Variants in ANKS6 observed in about 807,000 individuals in gnomAD.
ANKS6 encodes the protein ankyrin repeat and sterile alpha motif domain containing 6, also known as ankyrin repeat and SAM domain-containing protein 6.
In ANKS6, 47 loss-of-function variants were observed where a neutral mutation model predicts 77.9. The ratio of observed to expected loss-of-function variants is 0.60; its 90% CI spans 0.48 to 0.77. The LOEUF is 0.77. Among genes scored for constraint, ANKS6 ranks in the 30% least tolerant of loss-of-function variants. The probability of loss-of-function intolerance (pLI) is 0.00; values close to 1 mark genes in which losing one functional copy is unlikely to be tolerated. For synonymous variants in ANKS6, 488 were observed against 501.7 expected, an observed-to-expected ratio of 0.97 and a Z score of 0.37; for missense variants, 1,150 against 1,159.1, an observed-to-expected ratio of 0.99 and a Z score of 0.11.
chr9:98,787,236 C>T (rs2118151624), intron 2 of ANKS6, among the ~76,000 whole-genome samples: 1 of 152,244 alleles, frequency 6.6e-6, no homozygotes, highest in South Asian at 2.1e-4. Flanking sequence ...TCCCAGGGAT[C>T]CCCCAGGGCC....
intron 2 of ANKS6, among the ~76,000 whole-genome samples, chr9:98,785,740 C>A (rs894301481): frequency 1.3e-5 from 2 of 152,112 alleles, no homozygotes; most frequent in Non-Finnish European, 2.9e-5. Context: ...TGACTCTGGG[C>A]TGACTCTGGT....
intron 2 of ANKS6, among the ~76,000 whole-genome samples, chr9:98,788,646 C>T (rs919598846): frequency 3.3e-5 from 5 of 152,200 alleles, no homozygotes; most frequent in African/African-American, 1.2e-4. Flanking sequence ...GCCTTCTGCT[C>T]ACCACCACCC....
At chr9:98,754,215 G>T (rs1346423160) in intron 12 of ANKS6, among the ~76,000 whole-genome samples, 1 of 152,216 alleles carries the variant, frequency 6.6e-6, no homozygotes, top group Non-Finnish European at 1.5e-5. Flanking sequence ...CTGAGAAGGT[G>T]ATGCTGTCAC....
chr9:98,782,182 T>A (rs1477765595), intron 5 of ANKS6, among the ~76,000 whole-genome samples: 1 of 152,204 alleles, frequency 6.6e-6, no homozygotes, highest in Non-Finnish European at 1.5e-5. Flanking sequence ...AGGGTGTGTG[T>A]GGACTGCAAA....
intron 11 of ANKS6, among the ~76,000 whole-genome samples, chr9:98,766,191 C>T (rs80282368): frequency 0.012 from 1,765 of 152,338 alleles, 33 homozygotes; most frequent in African/African-American, 0.041. Context: ...CCCCAGTTTA[C>T]TGCTTCCTGA....
chr9:98,768,002 G>A (rs1833394414), intron 11 of ANKS6, 79 bp downstream of exon 11: 1 of 1,505,094 alleles, frequency 6.6e-7, no homozygotes, highest in Non-Finnish European at 8.9e-7. Flanking sequence ...CTAAGGCACT[G>A]CCCATGCTTC....
chr9:98,755,975 C>T (rs1832677301), intron 12 of ANKS6, among the ~76,000 whole-genome samples: 1 of 152,134 alleles, frequency 6.6e-6, no homozygotes, highest in South Asian at 2.1e-4. Flanking sequence ...TGGAAACACT[C>T]CCAAAGCACC....
At chr9:98,790,727 C>T (rs1252477406) in intron 1 of ANKS6, 121 bp from the exon 2 acceptor site, 3 of 1,353,086 alleles carry the variant, frequency 2.2e-6, no homozygotes, top group Non-Finnish European at 3.0e-6. Context: ...AGGTCTTATT[C>T]TGGCGCCAGG....
intron 11 of ANKS6, among the ~76,000 whole-genome samples, chr9:98,762,490 T>C (rs1261717845): frequency 1.3e-5 from 2 of 152,236 alleles, no homozygotes; most frequent in Admixed American, 6.5e-5. Flanking sequence ...ACAACATCCT[T>C]GTTCCCAGTC....
At chr9:98,784,983 A>C in intron 2 of ANKS6, 107 bp from the exon 3 acceptor site, 1 of 1,009,376 alleles carries the variant, frequency 9.9e-7, no homozygotes, top group Non-Finnish European at 1.5e-6. Context: ...TCTAATTCTC[A>C]AAAGCAATCT....
chr9:98,785,173 T>C (rs561797771), intron 2 of ANKS6, among the ~76,000 whole-genome samples: 1 of 152,238 alleles, frequency 6.6e-6, no homozygotes, highest in African/African-American at 2.4e-5. Context: ...CGTTGGCATA[T>C]CCTTTCTTAG....
At chr9:98,762,087 CAT>C (rs1245367171) in intron 11 of ANKS6, among the ~76,000 whole-genome samples, 8 of 152,142 alleles carry the variant, frequency 5.3e-5, no homozygotes, top group African/African-American at 1.9e-4. Flanking sequence ...TGATTCCACA[CAT>C]ATTAGATTTA....
intron 9 of ANKS6, among the ~76,000 whole-genome samples, chr9:98,771,791 A>G (rs1039891258): frequency 1.3e-5 from 2 of 151,702 alleles, no homozygotes; most frequent in African/African-American, 4.8e-5. Flanking sequence ...GCGGTATAAT[A>G]TGGGCTCTGG....
intron 14 of ANKS6, among the ~76,000 whole-genome samples, chr9:98,740,751 A>G (rs1831783458): frequency 6.6e-6 from 1 of 151,830 alleles, no homozygotes; most frequent in Non-Finnish European, 1.5e-5. Context: ...CCCTTTAAAA[A>G]CCCCTGAGTT....
At chr9:98,765,586 T>G (rs1402405090) in intron 11 of ANKS6, among the ~76,000 whole-genome samples, 1 of 152,124 alleles carries the variant, frequency 6.6e-6, no homozygotes, top group Non-Finnish European at 1.5e-5. Flanking sequence ...TAAGTCCAGA[T>G]TAAACTGCTG....
At chr9:98,761,146 C>G (rs1345026201) in intron 11 of ANKS6, among the ~76,000 whole-genome samples, 1 of 152,188 alleles carries the variant, frequency 6.6e-6, no homozygotes, top group African/African-American at 2.4e-5. Context: ...GGTTAAACAT[C>G]TTTTCATATG....
At chr9:98,738,307 TG>T (rs1359860076) in intron 14 of ANKS6, among the ~76,000 whole-genome samples, 1 of 150,808 alleles carries the variant, frequency 6.6e-6, no homozygotes, top group East Asian at 1.9e-4. Flanking sequence ...ACCCACAGAG[TG>T]GGAAAAAAAA....
At chr9:98,744,705 C>CA (rs1564176738) in intron 14 of ANKS6, among the ~76,000 whole-genome samples, 2 of 148,156 alleles carry the variant, frequency 1.3e-5, no homozygotes, top group Non-Finnish European at 1.5e-5. Flanking sequence ...GGAACAGCAA[C>CA]AAAAAAAGAA....
chr9:98,753,552 T>C (rs984897199), intron 12 of ANKS6, among the ~76,000 whole-genome samples: 4 of 151,450 alleles, frequency 2.6e-5, no homozygotes, highest in African/African-American at 9.7e-5. Flanking sequence ...ACCAGGGAGG[T>C]TGAGGCTGCA....
Sources: gnomAD v4.1 joint callset for allele counts (sites outside exome capture counted in the v4.1 genomes callset) on GRCh38, gnomAD v4.1.1 for gene constraint, MANE v1.5 for transcripts, NCBI Gene and HGNC (gene_info 2026-07-23, HGNC 2026-07-21) for gene names.